Variants in ADAMTSL1 observed in about 807,000 individuals in gnomAD.
ADAMTSL1 encodes the protein ADAMTS-like protein 1.
Under a neutral mutation model 201.8 loss-of-function variants are expected in ADAMTSL1, and 126 were observed. That is an observed-to-expected ratio of 0.62 (90% CI 0.54 to 0.72). The LOEUF is 0.72. Among genes scored for constraint, ADAMTSL1 ranks in the 30% least tolerant of loss-of-function variants. ADAMTSL1 has a pLI of 0.00. For missense variants in ADAMTSL1, 2,679 were observed against 2,277.8 expected, an observed-to-expected ratio of 1.18 and a Z score of -3.59; for synonymous variants, 1,121 against 903.4, an observed-to-expected ratio of 1.24 and a Z score of -4.32.
intron 1 of ADAMTSL1, among the ~76,000 whole-genome samples, chr9:17,932,990 C>G (rs755920357): frequency 5.3e-4 from 80 of 152,130 alleles, no homozygotes; most frequent in Non-Finnish European, 8.1e-4. Context: ...CCTGGTCCAT[C>G]ATGGTTACAA....
Position 18,477,518 on chromosome 9 carries a change from G to T in ADAMTSL1, c.63+3223G>T, listed in dbSNP as rs865912398. ...GAGAAGCACCCTTAGCTTGTGGAAT[G>T]AATGTTAAGTCCCTTATTTACAGGA... On this transcript the variant is annotated intron_variant, in intron 1 of 28. Transcript: ENST00000380548. 3.5e-4 allele frequency among the ~76,000 whole-genome samples: 53 copies of T among 152,302 alleles called. No homozygotes were observed. In the Middle Eastern group the frequency reaches 0.014, roughly 39 times the overall value.
intron 2 of ADAMTSL1, among the ~76,000 whole-genome samples, chr9:18,249,647 T>G (rs2132484343): frequency 6.6e-6 from 1 of 152,346 alleles, no homozygotes; most frequent in African/African-American, 2.4e-5. Flanking sequence ...ATGGAAATTC[T>G]TATGTGGCAT....
At chr9:18,160,362 G>T (rs1359964960) in intron 1 of ADAMTSL1, among the ~76,000 whole-genome samples, 1 of 151,930 alleles carries the variant, frequency 6.6e-6, no homozygotes, top group Non-Finnish European at 1.5e-5. Context: ...GAATAATGGG[G>T]GTTGAATCCG....
chr9:18,131,173 G>C (rs1825935398), intron 1 of ADAMTSL1, among the ~76,000 whole-genome samples: 1 of 152,014 alleles, frequency 6.6e-6, no homozygotes, highest in Admixed American at 6.6e-5. Context: ...GGTGTCATTG[G>C]CTATCTTTGG....
intron 9 of ADAMTSL1, among the ~76,000 whole-genome samples, chr9:18,669,364 G>A (rs1234349274): frequency 2.0e-5 from 3 of 152,156 alleles, no homozygotes; most frequent in Non-Finnish European, 2.9e-5. Flanking sequence ...CCCCACAAAT[G>A]TAGATGTGAG....
intron 2 of ADAMTSL1, among the ~76,000 whole-genome samples, chr9:18,509,271 A>G (rs1817878031): frequency 6.8e-6 from 1 of 148,014 alleles, no homozygotes; most frequent in African/African-American, 2.5e-5. Context: ...CAGCTTTAAG[A>G]CTTCGAATCA....
intron 2 of ADAMTSL1, among the ~76,000 whole-genome samples, chr9:18,390,681 T>A (rs76264485): frequency 6.6e-6 from 1 of 152,032 alleles, no homozygotes; most frequent in Non-Finnish European, 1.5e-5. Context: ...TCAAGAGAAA[T>A]CTTCCCCACC....
chr9:17,965,940 A>G (rs2131411770), intron 1 of ADAMTSL1, among the ~76,000 whole-genome samples: 1 of 152,310 alleles, frequency 6.6e-6, no homozygotes, highest in East Asian at 1.9e-4. Context: ...GGCCTGTTCC[A>G]ATCACTTGGG....
At chr9:18,400,039 C>G (rs1164902828) in intron 2 of ADAMTSL1, among the ~76,000 whole-genome samples, 1 of 144,288 alleles carries the variant, frequency 6.9e-6, no homozygotes, top group Non-Finnish European at 1.5e-5. Context: ...GCTTTACTTT[C>G]CAATAAAATG....
intron 1 of ADAMTSL1, among the ~76,000 whole-genome samples, chr9:18,031,187 C>T (rs972320481): frequency 1.3e-5 from 2 of 152,154 alleles, no homozygotes; most frequent in Non-Finnish European, 2.9e-5. Flanking sequence ...TAGGGAATTA[C>T]CGCAATCCTT....
chr9:17,958,629 G>T (rs1828020242), intron 1 of ADAMTSL1, among the ~76,000 whole-genome samples: 1 of 152,038 alleles, frequency 6.6e-6, no homozygotes, highest in Non-Finnish European at 1.5e-5. Flanking sequence ...GGCATGGTGT[G>T]CTTTGTGTAT....
chr9:18,406,596 T>G (rs1318552074), intron 2 of ADAMTSL1, among the ~76,000 whole-genome samples: 2 of 152,074 alleles, frequency 1.3e-5, no homozygotes, highest in African/African-American at 2.4e-5. Context: ...CTCTCAAAAT[T>G]CTAGGATTAC....
intron 2 of ADAMTSL1, among the ~76,000 whole-genome samples, chr9:18,259,294 G>A (rs528773727): frequency 2.0e-5 from 3 of 152,220 alleles, no homozygotes; most frequent in African/African-American, 4.8e-5. Flanking sequence ...GGAAGCTGAG[G>A]TGAGCGGACC....
At chr9:18,173,690 T>A (rs35826081) in intron 2 of ADAMTSL1, among the ~76,000 whole-genome samples, 22,612 of 152,080 alleles carry the variant, frequency 0.15, 1,876 homozygotes, top group East Asian at 0.24. Flanking sequence ...CCAACACTAA[T>A]GCAGACAGAT....
chr9:18,241,919 G>T (rs927174440), intron 2 of ADAMTSL1, among the ~76,000 whole-genome samples: 2 of 151,996 alleles, frequency 1.3e-5, no homozygotes, highest in African/African-American at 2.4e-5. Flanking sequence ...CTTCATAGTT[G>T]AATTTTACCA....
At chr9:18,321,368 T>A (rs1343597868) in intron 2 of ADAMTSL1, among the ~76,000 whole-genome samples, 6 of 152,238 alleles carry the variant, frequency 3.9e-5, no homozygotes, top group South Asian at 4.1e-4. Flanking sequence ...TGACGATTTT[T>A]AAATGCTCTT....
At chr9:18,337,177 G>A (rs1185339894) in intron 2 of ADAMTSL1, among the ~76,000 whole-genome samples, 2 of 152,094 alleles carry the variant, frequency 1.3e-5, no homozygotes, top group Non-Finnish European at 2.9e-5. Flanking sequence ...ATAAAAGCAG[G>A]CTGAAGAACG....
intron 1 of ADAMTSL1, among the ~76,000 whole-genome samples, chr9:18,077,914 T>G (rs75987182): frequency 0.038 from 5,727 of 152,126 alleles, 341 homozygotes; most frequent in African/African-American, 0.13. Flanking sequence ...TTTAGGAAGT[T>G]TCATGGGTGA....
At chr9:18,271,738 G>A (rs183457487) in intron 2 of ADAMTSL1, among the ~76,000 whole-genome samples, 76 of 152,300 alleles carry the variant, frequency 5.0e-4, no homozygotes, top group African/African-American at 1.7e-3. Flanking sequence ...CCAGTTCCCT[G>A]AGGGATCACC....
Sources: gnomAD v4.1 joint callset for allele counts (sites outside exome capture counted in the v4.1 genomes callset) on GRCh38, gnomAD v4.1.1 for gene constraint, MANE v1.5 for transcripts, NCBI Gene and HGNC (gene_info 2026-07-23, HGNC 2026-07-21) for gene names.